The following NCALD variants were observed in gnomAD, a reference collection of about 807,000 sequenced individuals.
NCALD encodes neurocalcin-delta.
In NCALD, 10 loss-of-function variants were observed where a neutral mutation model predicts 18.6. The observed-to-expected ratio is 0.54, with a 90% confidence interval of 0.33 to 0.91. The LOEUF (loss-of-function observed/expected upper bound fraction) is 0.91. Ranked by LOEUF, NCALD falls within the 40% of genes least tolerant of loss-of-function variation. The probability of loss-of-function intolerance (pLI) is 0.03; values close to 1 mark genes in which losing one functional copy is unlikely to be tolerated. For missense variants in NCALD, 184 were observed against 247.6 expected, an observed-to-expected ratio of 0.74 and a Z score of 1.72; for synonymous variants, 88 against 87.4, an observed-to-expected ratio of 1.01 and a Z score of -0.04.
At chr8:101,935,708 T>C (rs1818735956) in intron 2 of NCALD, among the ~76,000 whole-genome samples, 2 of 151,158 alleles carry the variant, frequency 1.3e-5, no homozygotes, top group Non-Finnish European at 2.9e-5. Flanking sequence ...GAAGTGGATA[T>C]GATGAGTCTG....
At chr8:101,690,489 G>A (rs931659647) in intron 3 of NCALD, 8 of 985,276 alleles carry the variant, frequency 8.1e-6, no homozygotes, top group Non-Finnish European at 9.6e-6. Flanking sequence ...GGACTCTCAC[G>A]CTAAGCCATA....
At chr8:101,874,738 G>A (rs1329187598) in intron 4 of NCALD, among the ~76,000 whole-genome samples, 2 of 151,980 alleles carry the variant, frequency 1.3e-5, no homozygotes, top group Non-Finnish European at 2.9e-5. Context: ...ATGTTGCCCA[G>A]GTTGGTCTCA....
intron 3 of NCALD, among the ~76,000 whole-genome samples, chr8:101,898,955 T>C (rs1817314647): frequency 6.6e-6 from 1 of 152,128 alleles, no homozygotes; most frequent in Non-Finnish European, 1.5e-5. Flanking sequence ...TAAACTTGAA[T>C]CTGAATATCA....
At position 101,701,853 on chromosome 8, in the gene NCALD, C is replaced by T. The variant is rs556385931; in HGVS notation, c.379-8957G>A. On this transcript the variant is annotated intron_variant, in intron 2 of 3. Coordinates refer to ENST00000220931, the MANE Select transcript of NCALD (RefSeq NM_032041.3). ...TTTCTCACCTTGCTTAGACTAAGCA[C>T]CTTGCTTAGAAGGATATTACATATC... Among the ~76,000 whole-genome samples the T allele has an allele frequency of 3.9e-5, 6 of 152,194 alleles. No homozygotes were observed. In the East Asian group the frequency reaches 1.2e-3, roughly 29 times the overall value.
intron 2 of NCALD, among the ~76,000 whole-genome samples, chr8:101,940,916 G>A (rs935839979): frequency 7.2e-5 from 11 of 152,218 alleles, no homozygotes; most frequent in Admixed American, 2.0e-4. Context: ...AGAACCCACC[G>A]TCAAAGCTAT....
In NCALD at chr8:101,974,741, T is replaced by G. The variant is rs75655574; in HGVS notation, c.-157+45496A>C. ...AAAGATACTAAAATAACTAACAACA[T>G]GCCGACAAGGGGTAACTGCTATTCT... On this transcript the variant is annotated intron_variant, in intron 2 of 6. Coordinates refer to the NCALD transcript ENST00000311028. Among the ~76,000 whole-genome samples, 418 of 152,282 alleles carry G rather than the reference T, an allele frequency of 2.7e-3. 3 individuals are homozygous for G. The highest frequency in any genetic ancestry group is 4.1e-3 in the Non-Finnish European group (277 of 68,026).
At chr8:101,859,236 A>G (rs1466055815) in intron 4 of NCALD, among the ~76,000 whole-genome samples, 1 of 152,146 alleles carries the variant, frequency 6.6e-6, no homozygotes, top group Non-Finnish European at 1.5e-5. Context: ...CAAGTTGTTC[A>G]GCTTTCCGAC....
chr8:101,929,578 A>AGGG (rs1818490448), intron 2 of NCALD, among the ~76,000 whole-genome samples: 1 of 60,830 alleles, frequency 1.6e-5, no homozygotes, highest in African/African-American at 7.1e-5. Context: ...GGAAGGAGGG[A>AGGG]GGGAAGGAAG....
intron 2 of NCALD, among the ~76,000 whole-genome samples, chr8:101,978,644 AGGT>A (rs3056902): frequency 0.16 from 23,737 of 151,828 alleles, 2,721 homozygotes; most frequent in African/African-American, 0.32. Context: ...TAATGTGTGC[AGGT>A]GGTGGTGGTG....
chr8:102,062,966 A>G (rs1049920495), intron 1 of NCALD, among the ~76,000 whole-genome samples: 14 of 152,158 alleles, frequency 9.2e-5, no homozygotes, highest in African/African-American at 3.4e-4. Flanking sequence ...TTTCCTTTTA[A>G]AGAAAAAAAA....
At chr8:101,843,496 A>T (rs888626504) in intron 4 of NCALD, among the ~76,000 whole-genome samples, 2 of 151,788 alleles carry the variant, frequency 1.3e-5, no homozygotes, top group Non-Finnish European at 2.9e-5. Flanking sequence ...TCATAATTTT[A>T]GGGCCATGAA....
At chr8:101,939,908 A>G (rs1410502759) in intron 2 of NCALD, among the ~76,000 whole-genome samples, 1 of 152,242 alleles carries the variant, frequency 6.6e-6, no homozygotes, top group Non-Finnish European at 1.5e-5. Flanking sequence ...GTAAGTGGCC[A>G]TGTGATCATA....
intron 2 of NCALD, among the ~76,000 whole-genome samples, chr8:101,993,054 C>T (rs543564809): frequency 4.1e-5 from 6 of 145,838 alleles, no homozygotes; most frequent in South Asian, 2.3e-4. Flanking sequence ...CTAGATACCA[C>T]GGATGGCAGG....
At chr8:101,973,458 A>G (rs1401198114) in intron 2 of NCALD, among the ~76,000 whole-genome samples, 1 of 152,180 alleles carries the variant, frequency 6.6e-6, no homozygotes, top group African/African-American at 2.4e-5. Flanking sequence ...CATTTTCATC[A>G]TGTCATATCA....
At chr8:101,869,831 T>C (rs1815931310) in intron 4 of NCALD, among the ~76,000 whole-genome samples, 1 of 152,248 alleles carries the variant, frequency 6.6e-6, no homozygotes, top group Non-Finnish European at 1.5e-5. Context: ...ATTTATGTAT[T>C]TGTTATAAAA....
intron 1 of NCALD, among the ~76,000 whole-genome samples, chr8:101,752,479 A>G (rs367716647): frequency 3.9e-5 from 6 of 152,376 alleles, no homozygotes; most frequent in East Asian, 3.9e-4. Context: ...AGTAACCACA[A>G]CAAAGAGTGA....
intron 1 of NCALD, among the ~76,000 whole-genome samples, chr8:102,108,999 G>A (rs1208043554): frequency 1.3e-5 from 2 of 152,132 alleles, no homozygotes; most frequent in Non-Finnish European, 2.9e-5. Flanking sequence ...CGTATCTGTG[G>A]CCCTCCTACC....
Position 102,078,728 on chromosome 8 carries a change from C to T in NCALD, c.-210+45509G>A, listed in dbSNP as rs1403318078. Among the ~76,000 whole-genome samples the T allele has an allele frequency of 2.6e-5, 4 of 152,210 alleles. No individual in the cohort carries two copies. The East Asian group carries it at 5.8e-4, about 22-fold the overall frequency. ...CATGATTCAAGTCTATTCAAATGCT[C>T]CTTCGACCACTTTCTTTAAAGCAGC... On this transcript the variant is annotated intron_variant, in intron 1 of 6. Transcript: ENST00000311028.
intron 1 of NCALD, among the ~76,000 whole-genome samples, chr8:102,116,496 G>A (rs1186527282): frequency 2.6e-5 from 4 of 151,970 alleles, no homozygotes; most frequent in Non-Finnish European, 5.9e-5. Context: ...TGGTGTTGTT[G>A]TTTTGAGACA....
Sources: gnomAD v4.1 joint callset for allele counts (sites outside exome capture counted in the v4.1 genomes callset) on GRCh38, gnomAD v4.1.1 for gene constraint, MANE v1.5 for transcripts, NCBI Gene and HGNC (gene_info 2026-07-23, HGNC 2026-07-21) for gene names.